FBN1: variants seen among roughly 807,000 people sequenced by gnomAD.
The protein encoded by FBN1 is fibrillin-1.
Under a neutral mutation model 365.1 loss-of-function variants are expected in FBN1, and 29 were observed. That is an observed-to-expected ratio of 0.08 (90% CI 0.06 to 0.11). The LOEUF is 0.11. FBN1 is among the 10% of genes least tolerant of loss of function. The pLI is 1.00. For synonymous variants in FBN1, 1,210 were observed against 1,270.5 expected (o/e 0.95, Z 1.01); for missense variants, 2,476 against 3,703.2 (o/e 0.67, Z 8.60).
Position 48,467,596 on chromosome 15 carries a change from G to A in FBN1, c.4747+342C>T, listed in dbSNP as rs565140480. 1.5e-4 allele frequency among the ~76,000 whole-genome samples: 23 copies of A among 152,298 alleles called. 1 individual carries two copies. Among genetic ancestry groups the A allele is most frequent in the African/African-American group, 5.1e-4 (21 of 41,562 alleles). ...CCCGGGACACTGAGTCTGGCGTACA[G>A]CCTTCCAAACTAGTCAATAGATGAG... On this transcript the variant is annotated intron_variant, in intron 38 of 65. Transcript: ENST00000316623.
At chr15:48,453,285 TAAAACAAACAAAAAA>T (rs1460524599) in intron 44 of FBN1, among the ~76,000 whole-genome samples, 1 of 16,660 alleles carries the variant, frequency 6.0e-5, no homozygotes, top group Non-Finnish European at 1.3e-4. Flanking sequence ...AAACAAAAAA[TAAAACAAACAAAAAA>T]AAAACACACA....
intron 2 of FBN1, among the ~76,000 whole-genome samples, chr15:48,638,849 AC>A (rs1890148025): frequency 6.6e-6 from 1 of 152,156 alleles, no homozygotes; most frequent in Non-Finnish European, 1.5e-5. Flanking sequence ...AACAACATAA[AC>A]AGCAATGCCT....
chr15:48,614,182 G>A (rs190474509), intron 2 of FBN1, among the ~76,000 whole-genome samples: 3 of 152,164 alleles, frequency 2.0e-5, no homozygotes, highest in African/African-American at 4.8e-5. Flanking sequence ...TTACTTTGCC[G>A]TATCCTGAGG....
intron 2 of FBN1, among the ~76,000 whole-genome samples, chr15:48,616,762 G>T (rs1007175383): frequency 2.0e-5 from 3 of 152,100 alleles, no homozygotes; most frequent in Admixed American, 1.3e-4. Context: ...TTAAAGCTCT[G>T]TGCAAGTAGC....
rs2003988 is a variant in FBN1 at position 48,617,982 on chromosome 15, A to G, written c.165-4890T>C. Reference sequence around the variant, plus strand: ...ATTTCATATATGTTAGTTTCTCAACATATTTGTTAGTGATTAAACTCTTGG... The same window carrying G: ...ATTTCATATATGTTAGTTTCTCAACGTATTTGTTAGTGATTAAACTCTTGG... On this transcript the variant is annotated intron_variant, in intron 2 of 65. Transcript: ENST00000316623. Among the ~76,000 whole-genome samples, 1,148 of 152,340 alleles carry G rather than the reference A, an allele frequency of 7.5e-3. 14 individuals are homozygous for G. The highest frequency in any genetic ancestry group is 0.027 in the African/African-American group (1,104 of 41,570).
intron 8 of FBN1, among the ~76,000 whole-genome samples, chr15:48,530,345 C>T (rs1044853279): frequency 1.3e-5 from 2 of 149,638 alleles, no homozygotes; most frequent in Admixed American, 6.7e-5. Flanking sequence ...ATCCGCCGCC[C>T]GATCACAACT....
rs1442235915 is a variant in FBN1, at chr15:48,420,574, T to C, written c.7819+113A>G. On this transcript the variant is annotated intron_variant, in intron 63 of 65. Transcript: ENST00000316623. ...GGTTTCAACCAGGTTAGGGCAATTT[T>C]AAATGAGTATTTGTTGCTTCAATAA... The C allele has an allele frequency of 2.1e-6, 3 of 1,429,284 alleles. No homozygotes were observed. The African/African-American group carries it at 4.2e-5, about 20-fold the overall frequency. The allele number at this position is 1,429,284 out of a possible 1,614,324, so 88.5% of individuals were successfully genotyped here.
chr15:48,640,757 G>A (rs1279791563), intron 2 of FBN1, among the ~76,000 whole-genome samples: 2 of 152,202 alleles, frequency 1.3e-5, no homozygotes, highest in African/African-American at 4.8e-5. Context: ...CTTCTCCAAG[G>A]TTTGGGAAAG....
intron 45 of FBN1, among the ~76,000 whole-genome samples, chr15:48,449,360 T>C (rs146406796): frequency 0.026 from 3,895 of 152,332 alleles, 80 homozygotes; most frequent in East Asian, 0.083. Flanking sequence ...CCTACATGGC[T>C]GCTTGTTCAA....
In FBN1 at chr15:48,436,920, T is replaced by C. The variant is rs1188712826; in HGVS notation, c.6496+41A>G. The C allele has an allele frequency of 2.4e-6, 3 of 1,265,358 alleles. No individual in the cohort carries two copies. In the South Asian group the frequency reaches 3.6e-5, roughly 15 times the overall value. The allele number at this position is 1,265,358 out of a possible 1,614,324, so 78.4% of individuals were successfully genotyped here. On this transcript the variant is annotated intron_variant, in intron 53 of 65. Coordinates refer to ENST00000316623, the MANE Select transcript of FBN1 (RefSeq NM_000138.5). ...CAGTGAATACTGTATAGCTTAATTT[T>C]TAATTTGTAAAGTTCCTATGGAAGA...
chr15:48,547,317 T>C (rs2044101285), intron 6 of FBN1, among the ~76,000 whole-genome samples: 1 of 152,184 alleles, frequency 6.6e-6, no homozygotes, highest in Non-Finnish European at 1.5e-5. Flanking sequence ...CAACAATATG[T>C]GATGGAATCC....
rs1440476099 is a variant in FBN1, at chr15:48,634,860, CACA to C, written c.164+9743_164+9745del. On this transcript the variant is annotated intron_variant, in intron 2 of 65. Transcript: ENST00000316623. ...AACCAAAAAAAAAAAAAAAAAACCA[CACA>C]CACACACACACACACACACACACAC... is the stretch of plus-strand genomic sequence containing the variant. Among the ~76,000 whole-genome samples, 87 of 41,494 alleles carry C rather than the reference CACA, an allele frequency of 2.1e-3. 1 individual carries two copies. The highest frequency in any genetic ancestry group is 0.015 in the African/African-American group (83 of 5,570). 27.2% of individuals were successfully genotyped at this position (41,494 alleles called of 152,430 possible). A position where few individuals can be genotyped will look rare whatever the true frequency, so the allele number is the denominator to read the frequency against.
intron 23 of FBN1, among the ~76,000 whole-genome samples, chr15:48,493,027 G>A (rs2043575303): frequency 1.3e-5 from 2 of 152,146 alleles, no homozygotes; most frequent in Non-Finnish European, 2.9e-5. Context: ...GGAATATGTG[G>A]GCCAGTGAAG....
chr15:48,524,414 T>A (rs1409164467), intron 9 of FBN1, among the ~76,000 whole-genome samples: 2 of 152,150 alleles, frequency 1.3e-5, no homozygotes, highest in Non-Finnish European at 1.5e-5. Flanking sequence ...AAGCCTTGGA[T>A]TTGTTTATAC....
intron 13 of FBN1, among the ~76,000 whole-genome samples, 157 bp downstream of exon 13, chr15:48,513,392 T>C (rs1437025351): frequency 1.3e-5 from 2 of 152,226 alleles, no homozygotes; most frequent in African/African-American, 4.8e-5. Flanking sequence ...TGACACTGTC[T>C]TTCAGAATGA....
At chr15:48,494,501 T>C (rs922442129) in intron 22 of FBN1, among the ~76,000 whole-genome samples, 2 of 152,190 alleles carry the variant, frequency 1.3e-5, no homozygotes, top group Non-Finnish European at 2.9e-5. Flanking sequence ...ACGTGCCCTA[T>C]AGATCATGTT....
chr15:48,529,921 A>C (rs2043953904), intron 8 of FBN1, among the ~76,000 whole-genome samples: 1 of 104,886 alleles, frequency 9.5e-6, no homozygotes, highest in East Asian at 3.0e-4. Flanking sequence ...CCGCCCGATC[A>C]CAACTTGAAA....
intron 49 of FBN1, among the ~76,000 whole-genome samples, chr15:48,442,910 C>A (rs991188644): frequency 1.3e-5 from 2 of 152,100 alleles, no homozygotes; most frequent in African/African-American, 4.8e-5. Flanking sequence ...ATCCTTGTAT[C>A]CTGGGCTCTT....
At chr15:48,551,843 C>T (rs1307999851) in intron 6 of FBN1, among the ~76,000 whole-genome samples, 3 of 151,994 alleles carry the variant, frequency 2.0e-5, no homozygotes, top group African/African-American at 4.8e-5. Flanking sequence ...TGCAAAGTTC[C>T]CTTTTATGGC....
Sources: gnomAD v4.1 joint callset for allele counts (sites outside exome capture counted in the v4.1 genomes callset) on GRCh38, gnomAD v4.1.1 for gene constraint, MANE v1.5 for transcripts, NCBI Gene and HGNC (gene_info 2026-07-23, HGNC 2026-07-21) for gene names.